SCGB2B2: variants seen among roughly 807,000 people sequenced by gnomAD.
The protein encoded by SCGB2B2 is secretoglobin-like protein.
In SCGB2B2, 11 loss-of-function variants were observed where a neutral mutation model predicts 7.6. The ratio of observed to expected loss-of-function variants is 1.45; its 90% CI spans 0.91 to 2.40. SCGB2B2 has a LOEUF of 2.40. Among genes scored for constraint, SCGB2B2 ranks in the 30% most tolerant of loss-of-function variants. The pLI, the probability that SCGB2B2 is intolerant of heterozygous loss-of-function variation, is 0.00. For missense variants in SCGB2B2, 104 were observed against 115.4 expected (o/e 0.90, Z 0.45); for synonymous variants, 50 against 48.6 (o/e 1.03, Z -0.12).
intron 1 of SCGB2B2, among the ~76,000 whole-genome samples, chr19:34,605,852 C>T (rs538353649): frequency 1.5e-4 from 23 of 152,050 alleles, no homozygotes; most frequent in Non-Finnish European, 3.1e-4. Context: ...CCTCAGCCTC[C>T]GAAACTGCTG....
Position 34,603,649 on chromosome 19 carries a change from GT to G in SCGB2B2, c.-2031-7056del, listed in dbSNP as rs533178756. On this transcript the variant is annotated intron_variant, in intron 1 of 3. Transcript: ENST00000601241. ...TATAGGGAGAGAGCCTAGGCCTGCT[GT>G]TCACAGTTTGCCCATAAGGACTATG... 2.1e-3 allele frequency among the ~76,000 whole-genome samples: 320 copies of G among 152,214 alleles called. 2 individuals carry two copies. The highest frequency in any genetic ancestry group is 7.4e-3 in the African/African-American group (308 of 41,538).
intron 1 of SCGB2B2, among the ~76,000 whole-genome samples, chr19:34,625,316 C>A (rs189444203): frequency 1.3e-4 from 20 of 152,226 alleles, no homozygotes; most frequent in Admixed American, 5.2e-4. Context: ...CGAAGCAGGG[C>A]GAGGCATCAT....
At chr19:34,616,483 T>C (rs2066083187) in intron 1 of SCGB2B2, among the ~76,000 whole-genome samples, 7 of 124,106 alleles carry the variant, frequency 5.6e-5, no homozygotes, top group African/African-American at 1.9e-4. Flanking sequence ...TGCATAAATG[T>C]CTTCTTTTGA....
intron 1 of SCGB2B2, among the ~76,000 whole-genome samples, chr19:34,650,055 C>T (rs1261525074): frequency 6.6e-6 from 1 of 151,226 alleles, no homozygotes; most frequent in Non-Finnish European, 1.5e-5. Context: ...CTATGTGTCT[C>T]CAGCATGGGC....
intron 1 of SCGB2B2, among the ~76,000 whole-genome samples, chr19:34,621,445 ATT>A (rs777464407): frequency 1.4e-5 from 2 of 144,472 alleles, no homozygotes; most frequent in African/African-American, 5.1e-5. Flanking sequence ...AATCCTTGGC[ATT>A]TTTTTTTTTT....
chr19:34,588,703 A>G (rs758539275), downstream of SCGB2B2, among the ~76,000 whole-genome samples: 1 of 152,162 alleles, frequency 6.6e-6, no homozygotes, highest in Non-Finnish European at 1.5e-5. Context: ...CTCAACCAAC[A>G]TGACCCAGTG....
At chr19:34,626,451 C>A (rs546371362) in intron 1 of SCGB2B2, among the ~76,000 whole-genome samples, 1 of 151,958 alleles carries the variant, frequency 6.6e-6, no homozygotes. Context: ...ATGAGAACTA[C>A]ATGATGAAAG....
chr19:34,613,311 T>G (rs1476770920), intron 1 of SCGB2B2, among the ~76,000 whole-genome samples: 1 of 152,156 alleles, frequency 6.6e-6, no homozygotes, highest in Non-Finnish European at 1.5e-5. Context: ...TTGGCCCAGC[T>G]GGTCTCAAAA....
intron 1 of SCGB2B2, among the ~76,000 whole-genome samples, chr19:34,665,446 C>T (rs527685041): frequency 1.3e-5 from 2 of 152,314 alleles, no homozygotes; most frequent in Admixed American, 1.3e-4. Context: ...TCCCTGGCCA[C>T]CAGCCACCAC....
chr19:34,619,289 C>T (rs1326252631), intron 1 of SCGB2B2, among the ~76,000 whole-genome samples: 2 of 152,232 alleles, frequency 1.3e-5, no homozygotes, highest in South Asian at 4.1e-4. Context: ...ACAATATTCA[C>T]GCATATATAG....
At chr19:34,636,506 C>G (rs182403633) in intron 1 of SCGB2B2, among the ~76,000 whole-genome samples, 2 of 152,292 alleles carry the variant, frequency 1.3e-5, no homozygotes, top group African/African-American at 4.8e-5. Context: ...CTCAGGAAAA[C>G]CAACTGCAAC....
intron 1 of SCGB2B2, among the ~76,000 whole-genome samples, chr19:34,598,477 C>T (rs1361596313): frequency 6.6e-6 from 1 of 151,320 alleles, no homozygotes; most frequent in South Asian, 2.1e-4. Flanking sequence ...GGACTCTAAT[C>T]CCCAGTTGTT....
chr19:34,597,401 G>A (rs904075759), intron 1 of SCGB2B2, among the ~76,000 whole-genome samples: 8 of 151,992 alleles, frequency 5.3e-5, no homozygotes, highest in Non-Finnish European at 8.8e-5. Context: ...GGTGGTGGCT[G>A]GAGGCCAGGG....
At chr19:34,633,580 G>T (rs116976583) in intron 1 of SCGB2B2, among the ~76,000 whole-genome samples, 4 of 152,114 alleles carry the variant, frequency 2.6e-5, no homozygotes, top group Non-Finnish European at 5.9e-5. Context: ...TACAGCAAAA[G>T]ACAGTAAATC....
chr19:34,654,249 GTTAA>G (rs2146093159), intron 1 of SCGB2B2, among the ~76,000 whole-genome samples: 1 of 150,970 alleles, frequency 6.6e-6, no homozygotes, highest in South Asian at 2.1e-4. Flanking sequence ...AACTTAATAG[GTTAA>G]TGAAGAGAGA....
chr19:34,668,959 G>C (rs1287865900), intron 1 of SCGB2B2, among the ~76,000 whole-genome samples: 1 of 152,088 alleles, frequency 6.6e-6, no homozygotes, highest in African/African-American at 2.4e-5. Context: ...CAACCAGCTG[G>C]GGTCCCCTTC....
intron 1 of SCGB2B2, among the ~76,000 whole-genome samples, chr19:34,599,226 GA>G (rs1241066222): frequency 1.3e-5 from 2 of 152,252 alleles, no homozygotes; most frequent in African/African-American, 4.8e-5. Context: ...TCCCACAGCA[GA>G]GGGATCTATG....
intron 1 of SCGB2B2, among the ~76,000 whole-genome samples, chr19:34,607,453 T>C (rs2065813283): frequency 6.6e-6 from 1 of 152,234 alleles, no homozygotes; most frequent in South Asian, 2.1e-4. Flanking sequence ...TTATTTCCTT[T>C]AGATATATAC....
chr19:34,631,597 T>C (rs540812505), intron 1 of SCGB2B2, among the ~76,000 whole-genome samples: 6 of 152,130 alleles, frequency 3.9e-5, no homozygotes, highest in African/African-American at 1.4e-4. Flanking sequence ...CTATAAAAGA[T>C]TGCGGAGAAA....
Sources: allele counts gnomAD v4.1 joint callset (sites outside exome capture counted in the v4.1 genomes callset), GRCh38; gene constraint gnomAD v4.1.1; transcripts MANE v1.5; gene names NCBI Gene and HGNC (gene_info 2026-07-23, HGNC 2026-07-21).